Variants in CCZ1 observed in about 807,000 individuals in gnomAD.
The protein encoded by CCZ1 is CCZ1 vacuolar protein trafficking and biogenesis associated.
CCZ1 carries 19 observed loss-of-function variants against 57.8 expected under a neutral mutation model. The ratio of observed to expected loss-of-function variants is 0.33; its 90% CI spans 0.23 to 0.48. The LOEUF is 0.48. CCZ1 is among the 20% of genes least tolerant of loss of function. The pLI, the probability that CCZ1 is intolerant of heterozygous loss-of-function variation, is 0.99. For missense variants in CCZ1, 200 were observed against 492.0 expected (o/e 0.41, Z 5.61); for synonymous variants, 81 against 167.0 (o/e 0.49, Z 3.97).
intron 8 of CCZ1, among the ~76,000 whole-genome samples, chr7:5,911,340 G>GT (rs1055468074): frequency 1.9e-4 from 28 of 148,214 alleles, no homozygotes; most frequent in African/African-American, 4.5e-4. Flanking sequence ...TGCTTTCCAA[G>GT]TTTTTTTTTA....
intron 10 of CCZ1, among the ~76,000 whole-genome samples, chr7:5,916,677 C>T (rs1209046901): frequency 6.8e-6 from 1 of 148,132 alleles, no homozygotes; most frequent in Non-Finnish European, 1.5e-5. Flanking sequence ...ACCTGAGCCT[C>T]GAGATCCAGA....
intron 7 of CCZ1, among the ~76,000 whole-genome samples, chr7:5,905,881 A>T (rs1562539523): frequency 7.8e-6 from 1 of 128,520 alleles, no homozygotes; most frequent in East Asian, 3.1e-4. Flanking sequence ...TTCTGAAATG[A>T]TAAAAGCAGA....
chr7:5,925,668 ACAT>A lies in CCZ1; in HGVS notation c.1432_1434del (p.Ile478del), dbSNP rs1779354774. 6.2e-7 allele frequency: 1 copy of A among 1,607,548 alleles called. No homozygotes were observed. The highest frequency in any genetic ancestry group is 1.3e-5 in the African/African-American group (1 of 74,574). On this transcript the variant is annotated inframe_deletion, in exon 15 of 15. Coordinates refer to ENST00000325974, the MANE Select transcript of CCZ1 (RefSeq NM_015622.6). Reference sequence around the variant, plus strand: ...AAACTTTGTGCAACGCAGTTCAACAACATCTTCTTCTTGGATTGACGGATGACG... The same window carrying A: ...AAACTTTGTGCAACGCAGTTCAACAACTTCTTCTTGGATTGACGGATGACG...
chr7:5,905,781 CAAAAAAA>C (rs796636886), intron 7 of CCZ1, among the ~76,000 whole-genome samples: 7 of 44,352 alleles, frequency 1.6e-4, no homozygotes, highest in Non-Finnish European at 2.9e-4. Flanking sequence ...ACTCTGTCTC[CAAAAAAA>C]AAAAAAAAAA....
rs570239204 is a variant in CCZ1, at chr7:5,911,405, C to G, written c.781-456C>G. On this transcript the variant is annotated intron_variant, in intron 8 of 14. Transcript: ENST00000325974. Reference sequence around the variant, plus strand: ...ATGGTCTCAAACTCCTGGGCTCAAGCGGTCGTGTCACCTCAGCCTCCCAAG... The same window carrying G: ...ATGGTCTCAAACTCCTGGGCTCAAGGGGTCGTGTCACCTCAGCCTCCCAAG... Among the ~76,000 whole-genome samples the G allele has an allele frequency of 2.0e-5, 3 of 148,668 alleles. 1 individual carries two copies. Among genetic ancestry groups the G allele is most frequent in the Admixed American group, 6.6e-5 (1 of 15,084 alleles).
At chr7:5,899,340 T>TGGGG (rs1384547538) in intron 1 of CCZ1, among the ~76,000 whole-genome samples, 1 of 5,294 alleles carries the variant, frequency 1.9e-4, no homozygotes, top group African/African-American at 3.7e-4. Flanking sequence ...GGGGGGTGTG[T>TGGGG]GTGTGTGTGT....
chr7:5,905,131 T>C lies in CCZ1; in HGVS notation c.560T>C (p.Leu187Pro). 1.3e-6 allele frequency: 2 copies of C among 1,595,618 alleles called. No individual in the cohort carries two copies. The highest frequency in any genetic ancestry group is 1.7e-6 in the Non-Finnish European group (2 of 1,177,322). The change falls in exon 7 of 15, where the codon CTT becomes CCT. Residue 187 changes from leucine (L) to proline (P), a missense_variant. Around this residue, in one of 5 missense-constraint regions of CCZ1, gnomAD observed 128 missense variants for 178.4 expected, o/e 0.72. Transcript: ENST00000325974. ...QTLHLQSCDL[L>P]DIFGGISFFP... ...CTACATTTGCAGTCATGTGACCTAC[T>C]TGACATTTTTGGTGGAATCAGCTTC...
chr7:5,900,489 A>C lies in CCZ1; in HGVS notation c.235A>C (p.Lys79Gln), dbSNP rs778935516. The change falls in exon 3 of 15, where the codon AAA becomes CAA. Residue 79 changes from lysine (K) to glutamine (Q), a missense_variant. This residue lies in a region of CCZ1 where 44 missense variants were observed against 122.8 expected (regional missense o/e 0.36). Transcript: ENST00000325974. ...CCTTTGTAGGACATTTAGCCCATCA[A>C]AACCTGCAAAATCTTTACATACACA... is the stretch of plus-strand genomic sequence containing the variant. ...VQFTRTFSPS[K>Q]PAKSLHTQKN... The C allele has an allele frequency of 4.4e-6, 7 of 1,599,168 alleles. No homozygotes were observed. The highest frequency in any genetic ancestry group is 5.9e-6 in the Non-Finnish European group (7 of 1,177,272).
Position 5,909,106 on chromosome 7 carries a change from CTT to C in CCZ1, c.699-915_699-914del, listed in dbSNP as rs10645268. Among the ~76,000 whole-genome samples, 472 of 140,484 alleles carry C rather than the reference CTT, an allele frequency of 3.4e-3. 7 individuals are homozygous for C. The highest frequency in any genetic ancestry group is 9.7e-3 in the African/African-American group (365 of 37,554). The allele number at this position is 140,484 out of a possible 152,430, so 92.2% of individuals were successfully genotyped here. On this transcript the variant is annotated intron_variant, in intron 7 of 14. Transcript: ENST00000325974. ...AACCAGCGAGTCCAATCCCTTGTGACTTTTTTTTTTTTTTTATCTCAAATGGC... is the reference window on the plus strand; with the variant it reads ...AACCAGCGAGTCCAATCCCTTGTGACTTTTTTTTTTTTTATCTCAAATGGC...
chr7:5,909,921 G>A (rs1781929643), intron 7 of CCZ1, 114 bp from the exon 8 acceptor site: 1 of 728,264 alleles, frequency 1.4e-6, no homozygotes, highest in East Asian at 2.7e-5. Context: ...AATTTATTCT[G>A]TGTTACTAAA....
At chr7:5,912,377 CTTTTTTTTTTTTTTTTTTTTT>C (rs4036238) in intron 9 of CCZ1, among the ~76,000 whole-genome samples, 27 of 54,682 alleles carry the variant, frequency 4.9e-4, no homozygotes, top group African/African-American at 1.9e-3. Flanking sequence ...TCAGCATACC[CTTTTTTTTTTTTTTTTTTTTT>C]TTTTTTTTTT....
At chr7:5,912,035 C>A (rs1170192340) in intron 9 of CCZ1, 113 bp downstream of exon 9, 3 of 1,580,780 alleles carry the variant, frequency 1.9e-6, no homozygotes, top group East Asian at 4.6e-5. Context: ...CTCACTGCAA[C>A]CTCCGCCTCC....
At chr7:5,901,609 T>C (rs1434037595) in intron 4 of CCZ1, 48 bp from the exon 5 acceptor site, 2 of 1,564,892 alleles carry the variant, frequency 1.3e-6, no homozygotes, top group South Asian at 2.4e-5. Flanking sequence ...CCAGTAGACA[T>C]TGTTTTTCCC....
chr7:5,905,127 C>T lies in CCZ1; in HGVS notation c.556C>T (p.Leu186=). The T allele has an allele frequency of 1.3e-6, 2 of 1,596,094 alleles. No individual in the cohort carries two copies. Among genetic ancestry groups the T allele is most frequent in the Non-Finnish European group, 1.7e-6 (2 of 1,177,450 alleles). The change falls in exon 7 of 15, where the codon CTA becomes TTA. Residue 186 remains leucine (L), a synonymous_variant. Transcript: ENST00000325974. ...AACGCTACATTTGCAGTCATGTGAC[C>T]TACTTGACATTTTTGGTGGAATCAG... ...LQTLHLQSCD[L]LDIFGGISFF...
chr7:5,922,833 C>CG (rs1562547237), intron 12 of CCZ1, among the ~76,000 whole-genome samples: 2 of 148,306 alleles, frequency 1.3e-5, no homozygotes, highest in Non-Finnish European at 3.0e-5. Context: ...GTGGGAGGAA[C>CG]GAGGTGTTAC....
At chr7:5,900,807 A>G (rs748720337) in intron 3 of CCZ1, 48 bp from the exon 4 acceptor site, 20 of 1,515,748 alleles carry the variant, frequency 1.3e-5, no homozygotes, top group Non-Finnish European at 1.6e-5. Context: ...CAAAATAAAC[A>G]TGGTCTAATG....
rs1781708057 is a variant in CCZ1 at position 5,902,549 on chromosome 7, T to G, written c.439-112T>G. On this transcript the variant is annotated intron_variant, in intron 5 of 14. Transcript: ENST00000325974. ...GTAAATATTCTCTGTTGGAAAGAACTGGGAGATTTAATGAGCTGAATTAAT... is the reference window on the plus strand; with the variant it reads ...GTAAATATTCTCTGTTGGAAAGAACGGGGAGATTTAATGAGCTGAATTAAT... 1.9e-5 allele frequency: 27 copies of G among 1,392,026 alleles called. 3 individuals carry two copies. Among genetic ancestry groups the G allele is most frequent in the Non-Finnish European group, 2.5e-5 (27 of 1,065,104 alleles). The allele number at this position is 1,392,026 out of a possible 1,614,324, so 86.2% of individuals were successfully genotyped here. A position where few individuals can be genotyped will look rare whatever the true frequency, so the allele number is the denominator to read the frequency against.
At chr7:5,902,227 G>C (rs1383618350) in intron 5 of CCZ1, 2 of 185,846 alleles carry the variant, frequency 1.1e-5, no homozygotes, top group Non-Finnish European at 2.2e-5. Flanking sequence ...GCGCCTTGGA[G>C]GTCGAGGCTG....
In CCZ1 at chr7:5,903,998, G is replaced by C. The variant is rs1337120845; in HGVS notation, c.523-1096G>C. 6.3e-5 allele frequency among the ~76,000 whole-genome samples: 9 copies of C among 143,488 alleles called. 1 individual carries two copies. Among genetic ancestry groups the C allele is most frequent in the African/African-American group, 2.1e-4 (8 of 37,670 alleles). 94.1% of individuals were successfully genotyped at this position (143,488 alleles called of 152,430 possible). A position where few individuals can be genotyped will look rare whatever the true frequency, so the allele number is the denominator to read the frequency against. The stretch of plus-strand genomic sequence containing the variant: ...GACAGACCAAGACTCCATCTCGGGG[G>C]GGGAAATAAAGATGGCACTCTCTGT... On this transcript the variant is annotated intron_variant, in intron 6 of 14. Transcript: ENST00000325974.
Sources: allele counts gnomAD v4.1 joint callset (sites outside exome capture counted in the v4.1 genomes callset), GRCh38; gene constraint gnomAD v4.1.1; regional missense constraint gnomAD v4.1.1; transcripts MANE v1.5; gene names NCBI Gene and HGNC (gene_info 2026-07-23, HGNC 2026-07-21).